Variants in U2AF2 observed in about 807,000 individuals in gnomAD.
The protein encoded by U2AF2 is splicing factor U2AF 65 kDa subunit.
In U2AF2, 6 loss-of-function variants were observed where a neutral mutation model predicts 52.6. The ratio of observed to expected loss-of-function variants is 0.11; its 90% CI spans 0.06 to 0.23. The LOEUF is 0.23. U2AF2 is among the 10% of genes least tolerant of loss of function. U2AF2 has a pLI of 1.00. For synonymous variants in U2AF2, 284 were observed against 258.2 expected (o/e 1.10, Z -0.96); for missense variants, 222 against 677.1 (o/e 0.33, Z 7.46).
chr19:55,673,719 C>T (rs1437655298), intron 11 of U2AF2, among the ~76,000 whole-genome samples: 2 of 152,202 alleles, frequency 1.3e-5, no homozygotes, highest in African/African-American at 4.8e-5. Context: ...TTCTCCCTCT[C>T]CATGCCTATG....
chr19:55,667,563 GCC>G (rs1483802787), intron 7 of U2AF2, among the ~76,000 whole-genome samples: 4 of 152,144 alleles, frequency 2.6e-5, no homozygotes, highest in African/African-American at 9.7e-5. Flanking sequence ...CAGCTGATAA[GCC>G]CCCACTCTGG....
chr19:55,671,464 T>C (rs994729915), intron 11 of U2AF2: 3 of 152,082 alleles, frequency 2.0e-5, no homozygotes, highest in Non-Finnish European at 4.4e-5. Context: ...AAGGAAAAAT[T>C]AGCTGGACAG....
intron 1 of U2AF2, 99 bp downstream of exon 1, chr19:55,655,252 C>T (rs1473922621): frequency 9.1e-6 from 12 of 1,320,528 alleles, no homozygotes; most frequent in Non-Finnish European, 1.1e-5. Flanking sequence ...CACTTCACGG[C>T]CGCGCGGCGC....
intron 1 of U2AF2, among the ~76,000 whole-genome samples, chr19:55,658,338 C>CCGGTCTCTCTTCAGGGGTTGAAGGGT (rs1983932506): frequency 7.8e-6 from 1 of 128,788 alleles, no homozygotes; most frequent in Admixed American, 9.3e-5. Flanking sequence ...TCTTGAAGGG[C>CCGGTCTCTCTTCAGGGGTTGAAGGGT]CGGTCTCTCT....
In U2AF2 at chr19:55,663,880, C is replaced by T. The variant is rs1267854726; in HGVS notation, c.742+136C>T. The T allele has an allele frequency of 7.7e-6, 10 of 1,301,790 alleles. 1 individual carries two copies. The East Asian group carries it at 9.5e-5, about 12-fold the overall frequency. The allele number at this position is 1,301,790 out of a possible 1,614,324, so 80.6% of individuals were successfully genotyped here. A position where few individuals can be genotyped will look rare whatever the true frequency, so the allele number is the denominator to read the frequency against. On this transcript the variant is annotated intron_variant, in intron 7 of 11. Transcript: ENST00000308924. ...AAGATAGGTGCCTTTTCCCTGCTTCCCCTAAGTCTCTGTGAGTGGGGTGCT... is the reference window on the plus strand; with the variant it reads ...AAGATAGGTGCCTTTTCCCTGCTTCTCCTAAGTCTCTGTGAGTGGGGTGCT...
At chr19:55,670,951 T>A (rs1320190564) in intron 11 of U2AF2, among the ~76,000 whole-genome samples, 1 of 152,140 alleles carries the variant, frequency 6.6e-6, no homozygotes, top group Non-Finnish European at 1.5e-5. Context: ...TGCCGGGAGC[T>A]GGCAGGGTTG....
At chr19:55,665,641 T>G (rs1984502453) in intron 7 of U2AF2, among the ~76,000 whole-genome samples, 1 of 152,144 alleles carries the variant, frequency 6.6e-6, no homozygotes, top group African/African-American at 2.4e-5. Context: ...CCACTGCCTG[T>G]TTTTTGTTTT....
intron 7 of U2AF2, among the ~76,000 whole-genome samples, chr19:55,665,725 T>C (rs1482212332): frequency 1.3e-5 from 2 of 151,918 alleles, no homozygotes; most frequent in East Asian, 1.9e-4. Context: ...CTCGGCTCAC[T>C]GCAACCTCCG....
At chr19:55,665,802 C>T (rs1348435218) in intron 7 of U2AF2, among the ~76,000 whole-genome samples, 1 of 152,198 alleles carries the variant, frequency 6.6e-6, no homozygotes, top group Non-Finnish European at 1.5e-5. Context: ...GCATGTGCCA[C>T]CACACCTGCT....
chr19:55,660,439 C>A, intron 3 of U2AF2, 77 bp from the exon 4 acceptor site: 1 of 1,195,716 alleles, frequency 8.4e-7, no homozygotes, highest in South Asian at 1.4e-5. Context: ...GAAAGGGTGC[C>A]TGGGAGGGGG....
At chr19:55,673,898 G>A in intron 11 of U2AF2, 36 bp from the exon 12 acceptor site, 1 of 1,591,776 alleles carries the variant, frequency 6.3e-7, no homozygotes, top group Non-Finnish European at 8.6e-7. Flanking sequence ...TTGGGCGTGA[G>A]CCTTGTTCAC....
chr19:55,659,424 G>A (rs2071504940), intron 2 of U2AF2, 79 bp downstream of exon 2: 2 of 1,386,272 alleles, frequency 1.4e-6, no homozygotes, highest in Admixed American at 3.2e-5. Context: ...TGGCCTGTGT[G>A]TGTCTGTGTC....
At chr19:55,659,077 CT>C in intron 1 of U2AF2, 132 bp from the exon 2 acceptor site, 1 of 1,319,138 alleles carries the variant, frequency 7.6e-7, no homozygotes, top group Non-Finnish European at 9.8e-7. Context: ...TGTTAATTCC[CT>C]TCCTCCATTG....
At chr19:55,663,820 C>T (rs1394475140) in intron 7 of U2AF2, 76 bp downstream of exon 7, 5 of 1,584,132 alleles carry the variant, frequency 3.2e-6, no homozygotes, top group Admixed American at 1.7e-5. Flanking sequence ...TTCAGCCCAG[C>T]TGGAGTGGCT....
rs549920806 is a variant in U2AF2, at chr19:55,674,080, G to A, written c.*12G>A. 2 of 1,600,454 alleles carry A rather than the reference G, an allele frequency of 1.2e-6. No individual in the cohort carries two copies. ...GGGACTTCTGGTAGAGGCGGCTGGG[G>A]GAGGGTGGGGGCAGGGCTGGCTGGG... On this transcript the variant is annotated 3_prime_UTR_variant, in exon 12 of 12. Coordinates refer to ENST00000308924, the MANE Select transcript of U2AF2 (RefSeq NM_007279.3).
In U2AF2 at chr19:55,669,656, G is replaced by T. The variant is rs1253780565; in HGVS notation, c.1257G>T (p.Arg419=). 6.2e-7 allele frequency: 1 copy of T among 1,612,210 alleles called. No homozygotes were observed. Among genetic ancestry groups the T allele is most frequent in the Non-Finnish European group, 8.5e-7 (1 of 1,179,482 alleles). The change falls in exon 11 of 12, where the codon CGG becomes CGT. Residue 419 remains arginine (R), a synonymous_variant. Transcript: ENST00000308924. ...TTGTCAAGTCCATCGAGATCCCCCG[G>T]CCTGTGGACGGCGTCGAGGTGCCCG... ...YGLVKSIEIP[R]PVDGVEVPGC... is the part of the protein sequence containing the mutation.
chr19:55,658,992 C>G (rs1285478152), intron 1 of U2AF2: 32 of 590,222 alleles, frequency 5.4e-5, no homozygotes, highest in Non-Finnish European at 1.3e-5. Flanking sequence ...GTATCTTACA[C>G]CCCGGGGGCA....
chr19:55,659,038 C>G, intron 1 of U2AF2, 172 bp from the exon 2 acceptor site: 2 of 1,101,074 alleles, frequency 1.8e-6, no homozygotes, highest in Non-Finnish European at 2.4e-6. Flanking sequence ...CCTCATGGTC[C>G]CTGGACTCGC....
intron 1 of U2AF2, among the ~76,000 whole-genome samples, chr19:55,656,181 C>T (rs1568546912): frequency 1.3e-5 from 2 of 152,212 alleles, no homozygotes; most frequent in African/African-American, 4.8e-5. Context: ...AAAAATCCTC[C>T]GTGTTTCAGT....
Sources: allele counts gnomAD v4.1 joint callset (sites outside exome capture counted in the v4.1 genomes callset), GRCh38; gene constraint gnomAD v4.1.1; transcripts MANE v1.5; gene names NCBI Gene and HGNC (gene_info 2026-07-23, HGNC 2026-07-21).